The following LRRC4C variants were observed in gnomAD, a reference collection of about 807,000 sequenced individuals.
The protein encoded by LRRC4C is leucine-rich repeat-containing protein 4C.
In LRRC4C, 5 loss-of-function variants were observed where a neutral mutation model predicts 33.6. That is an observed-to-expected ratio of 0.15 (90% CI 0.08 to 0.31). The LOEUF (loss-of-function observed/expected upper bound fraction) is 0.31, where lower values mean the gene tolerates loss of function less well. Ranked by LOEUF, LRRC4C falls within the 10% of genes least tolerant of loss-of-function variation. The pLI, the probability that LRRC4C is intolerant of heterozygous loss-of-function variation, is 1.00. For missense variants in LRRC4C, 560 were observed against 796.7 expected (o/e 0.70, Z 3.58); for synonymous variants, 329 against 302.0 (o/e 1.09, Z -0.93).
At chr11:41,015,570 T>C (rs1379835156) in intron 1 of LRRC4C, among the ~76,000 whole-genome samples, 1 of 152,106 alleles carries the variant, frequency 6.6e-6, no homozygotes, top group Non-Finnish European at 1.5e-5. Context: ...TGCCTAGGCC[T>C]CCCAAAGTGC....
intron 1 of LRRC4C, among the ~76,000 whole-genome samples, chr11:41,001,321 G>A (rs74947125): frequency 0.014 from 2,124 of 152,158 alleles, 53 homozygotes; most frequent in African/African-American, 0.049. Flanking sequence ...TCTTAAGATC[G>A]AGCAAGAAGG....
chr11:40,260,852 C>A (rs1368187816), intron 4 of LRRC4C, among the ~76,000 whole-genome samples: 1 of 152,088 alleles, frequency 6.6e-6, no homozygotes, highest in East Asian at 1.9e-4. Context: ...ATGGCATACA[C>A]AAAATGAATC....
rs1214944340 is a variant in LRRC4C at position 40,264,045 on chromosome 11, T to C, written c.-175-22447A>G. On this transcript the variant is annotated intron_variant, in intron 4 of 6. Coordinates refer to ENST00000528697, the MANE Select transcript of LRRC4C (RefSeq NM_001258419.2). The stretch of plus-strand genomic sequence containing the variant: ...TAGATCTTGATTGATCCATTATACT[T>C]TAGATCTGTATATTGTAATTGCTTG... Among the ~76,000 whole-genome samples the C allele has an allele frequency of 5.9e-5, 9 of 152,276 alleles. No homozygotes were observed. In the East Asian group the frequency reaches 1.5e-3, roughly 26 times the overall value.
chr11:41,297,504 T>C (rs1467539771), intron 1 of LRRC4C, among the ~76,000 whole-genome samples: 1 of 152,028 alleles, frequency 6.6e-6, no homozygotes, highest in African/African-American at 2.4e-5. Flanking sequence ...AAGAAGAGGG[T>C]GGAACAAGTA....
chr11:40,698,493 T>C (rs1188470342), intron 2 of LRRC4C, among the ~76,000 whole-genome samples: 1 of 151,944 alleles, frequency 6.6e-6, no homozygotes, highest in Non-Finnish European at 1.5e-5. Context: ...TCCTAATCAG[T>C]CTTGCCTCAC....
intron 4 of LRRC4C, among the ~76,000 whole-genome samples, chr11:40,275,765 T>C (rs918116603): frequency 1.3e-5 from 2 of 152,250 alleles, no homozygotes; most frequent in African/African-American, 4.8e-5. Context: ...CATAATTTCA[T>C]TTGAATTTTT....
chr11:41,136,995 C>A (rs982593696), intron 1 of LRRC4C, among the ~76,000 whole-genome samples: 52 of 151,982 alleles, frequency 3.4e-4, no homozygotes, highest in African/African-American at 1.2e-3. Flanking sequence ...CCCTTCTAAT[C>A]CCAGCACTTT....
At chr11:40,674,625 T>G (rs1944303020) in intron 2 of LRRC4C, among the ~76,000 whole-genome samples, 2 of 152,188 alleles carry the variant, frequency 1.3e-5, no homozygotes, top group Non-Finnish European at 2.9e-5. Context: ...ATTATAATAC[T>G]GGTTTATAAA....
chr11:41,023,076 A>T (rs1234592436), intron 1 of LRRC4C, among the ~76,000 whole-genome samples: 1 of 151,974 alleles, frequency 6.6e-6, no homozygotes, highest in Non-Finnish European at 1.5e-5. Context: ...ATTTTAATTT[A>T]TTGAAAAATA....
intron 2 of LRRC4C, among the ~76,000 whole-genome samples, chr11:40,790,536 C>A (rs1409862860): frequency 6.6e-6 from 1 of 152,154 alleles, no homozygotes; most frequent in Admixed American, 6.5e-5. Flanking sequence ...GGTGAGCACG[C>A]GGTCCAAATC....
intron 1 of LRRC4C, among the ~76,000 whole-genome samples, chr11:41,051,707 T>C (rs1367498562): frequency 6.6e-6 from 1 of 152,062 alleles, no homozygotes; most frequent in Non-Finnish European, 1.5e-5. Flanking sequence ...AGAGAGCTTT[T>C]CTAGTTGCAT....
chr11:40,243,834 T>A (rs1411480348), intron 4 of LRRC4C, among the ~76,000 whole-genome samples: 2 of 150,414 alleles, frequency 1.3e-5, no homozygotes. Context: ...GATTATAGGC[T>A]CCTGCCACCA....
chr11:41,027,847 T>C, intron 1 of LRRC4C, among the ~76,000 whole-genome samples: 1 of 151,854 alleles, frequency 6.6e-6, no homozygotes, highest in Admixed American at 6.6e-5. Flanking sequence ...TCTAATAGTT[T>C]TGAATTATTT....
chr11:40,804,791 A>G (rs1951177251), intron 2 of LRRC4C, among the ~76,000 whole-genome samples: 1 of 152,166 alleles, frequency 6.6e-6, no homozygotes, highest in Admixed American at 6.6e-5. Flanking sequence ...CTCTAAAGCT[A>G]TAAAAGTGCA....
At chr11:40,696,330 A>G (rs1432762904) in intron 2 of LRRC4C, among the ~76,000 whole-genome samples, 2 of 128,170 alleles carry the variant, frequency 1.6e-5, no homozygotes, top group African/African-American at 3.1e-5. Flanking sequence ...ATATATGAGT[A>G]TATATATATG....
chr11:40,218,093 G>A (rs776597911), intron 5 of LRRC4C, among the ~76,000 whole-genome samples: 4 of 152,118 alleles, frequency 2.6e-5, no homozygotes, highest in Non-Finnish European at 5.9e-5. Flanking sequence ...TCAGTGAGAT[G>A]AAATTCAAGA....
intron 3 of LRRC4C, among the ~76,000 whole-genome samples, chr11:40,513,896 C>T (rs560821794): frequency 3.3e-5 from 5 of 152,106 alleles, no homozygotes; most frequent in Non-Finnish European, 5.9e-5. Context: ...GTGATAGAAA[C>T]CAACCAAATG....
chr11:41,193,226 G>T (rs1265984256), intron 1 of LRRC4C, among the ~76,000 whole-genome samples: 1 of 152,092 alleles, frequency 6.6e-6, no homozygotes, highest in Admixed American at 6.6e-5. Context: ...AAGTTGGAAA[G>T]TACCTCTCCA....
At chr11:41,244,797 T>A (rs1015612904) in intron 1 of LRRC4C, among the ~76,000 whole-genome samples, 3 of 152,206 alleles carry the variant, frequency 2.0e-5, no homozygotes, top group Non-Finnish European at 4.4e-5. Flanking sequence ...AGAACTTTAC[T>A]CGATGAGTAA....
Sources: allele counts gnomAD v4.1 joint callset (sites outside exome capture counted in the v4.1 genomes callset), GRCh38; gene constraint gnomAD v4.1.1; transcripts MANE v1.5; gene names NCBI Gene and HGNC (gene_info 2026-07-23, HGNC 2026-07-21).